The following CAMKK2 variants were observed in gnomAD, a reference collection of about 807,000 sequenced individuals.
The protein encoded by CAMKK2 is calcium/calmodulin-dependent protein kinase kinase 2.
CAMKK2 carries 30 observed loss-of-function variants against 67.2 expected under a neutral mutation model. That is an observed-to-expected ratio of 0.45 (90% CI 0.33 to 0.61). CAMKK2 has a LOEUF of 0.61. Ranked by LOEUF, CAMKK2 falls within the 20% of genes least tolerant of loss-of-function variation. The pLI, the probability that CAMKK2 is intolerant of heterozygous loss-of-function variation, is 0.02. For missense variants in CAMKK2, 643 were observed against 802.0 expected, an observed-to-expected ratio of 0.80 and a Z score of 2.39; for synonymous variants, 322 against 326.2, an observed-to-expected ratio of 0.99 and a Z score of 0.14.
Position 121,260,339 on chromosome 12 carries a change from T to G in CAMKK2, c.776A>C (p.Asn259Thr). 1 of 1,611,498 alleles carries G rather than the reference T, an allele frequency of 6.2e-7. No homozygotes were observed. Among genetic ancestry groups the G allele is most frequent in the South Asian group, 1.1e-5 (1 of 90,146 alleles). The stretch of plus-strand genomic sequence containing the variant: ...CTTACCCATGTACAGATGGTCCTCA[T>G]TGGGGTCATCCAGGACCTTGGCACA... The part of the protein sequence containing the change: ...VKLVEVLDDP[N>T]EDHLYMVFEL... Residue 259 changes from asparagine (N) to threonine (T), a missense_variant, in exon 7 of 17, where the codon AAT becomes ACT. Coordinates refer to ENST00000404169, the MANE Select transcript of CAMKK2 (RefSeq NM_001270485.2).
At chr12:121,288,115 G>A (rs934233846) in intron 1 of CAMKK2, among the ~76,000 whole-genome samples, 5 of 152,222 alleles carry the variant, frequency 3.3e-5, no homozygotes, top group African/African-American at 1.2e-4. Context: ...GAAATAAAGT[G>A]TAGAAACCAT....
chr12:121,241,911 A>G (rs1466103983), intron 16 of CAMKK2, among the ~76,000 whole-genome samples: 1 of 152,168 alleles, frequency 6.6e-6, no homozygotes, highest in East Asian at 1.9e-4. Context: ...CAGCTCTGTG[A>G]GCTCCCATGA....
In CAMKK2 at chr12:121,240,771, G is replaced by C. The variant is rs1484898087; in HGVS notation, c.1695C>G (p.Cys565Trp). The change falls in exon 17 of 17, where the codon TGC (cysteine) becomes TGG (tryptophan). Residue 565 changes from cysteine (C) to tryptophan (W), a missense_variant. Around this residue, in one of 3 missense-constraint regions of CAMKK2, gnomAD observed 140 missense variants for 124.2 expected, o/e 1.13. Transcript: ENST00000404169. This position sits in a 1 kb window ranked among gnomAD's most constrained non-coding sequence, Gnocchi z 4.4. ...CGGGGGAGCCGGGGGCGGGGGCCCA[G>C]CAACTTTCCACGCAGGGACTGCCTC... ...LVRGSPCVESCWAPAPGSPAR... is the reference protein window; with the variant it reads ...LVRGSPCVESWWAPAPGSPAR... 3.1e-6 allele frequency: 5 copies of C among 1,608,892 alleles called. No individual in the cohort carries two copies. The East Asian group carries it at 8.9e-5, about 29-fold the overall frequency.
chr12:121,291,829 G>A (rs534478097), intron 1 of CAMKK2, among the ~76,000 whole-genome samples: 3 of 152,046 alleles, frequency 2.0e-5, no homozygotes, highest in Admixed American at 6.6e-5. Flanking sequence ...AGGCCGAGGC[G>A]GGCAGATCAT....
At chr12:121,268,599 C>A in intron 5 of CAMKK2, 39 bp downstream of exon 5, 2 of 1,598,104 alleles carry the variant, frequency 1.3e-6, no homozygotes, top group Non-Finnish European at 1.7e-6. Flanking sequence ...TGTCTTGTCC[C>A]AGCCCCTGTA....
upstream of CAMKK2, chr12:121,297,475 G>T: frequency 2.5e-6 from 1 of 406,290 alleles, no homozygotes; most frequent in Non-Finnish European, 5.0e-6. Flanking sequence ...TTTCCAGATG[G>T]CTACTTAGAT....
At chr12:121,283,138 G>C (rs1183248629) in intron 1 of CAMKK2, among the ~76,000 whole-genome samples, 1 of 152,154 alleles carries the variant, frequency 6.6e-6, no homozygotes, top group Non-Finnish European at 1.5e-5. Flanking sequence ...CACCCAACCA[G>C]TGGGGTTCGG....
At chr12:121,266,993 C>T (rs1894684896) in intron 5 of CAMKK2, among the ~76,000 whole-genome samples, 1 of 120,374 alleles carries the variant, frequency 8.3e-6, no homozygotes, top group Non-Finnish European at 1.6e-5. Context: ...AGAAACTGGT[C>T]TCCATGATGA....
In CAMKK2 at chr12:121,264,035, A is replaced by AGGTGGG; in HGVS notation, c.626-97_626-96insCCCACC. ...GGATGCCAAAAGGTGGGATGCCAAA[A>AGGTGGG]AGCCACTCTGCAGGGCTGGAGTGGC... On this transcript the variant is annotated intron_variant, in intron 5 of 16. Coordinates refer to ENST00000404169, the MANE Select transcript of CAMKK2 (RefSeq NM_001270485.2). 2.0e-5 allele frequency: 25 copies of AGGTGGG among 1,266,168 alleles called. No individual in the cohort carries two copies. The African/African-American group carries it at 3.4e-4, about 17-fold the overall frequency. The allele number at this position is 1,266,168 out of a possible 1,614,324, so 78.4% of individuals were successfully genotyped here. A position where few individuals can be genotyped will look rare whatever the true frequency, so the allele number is the denominator to read the frequency against.
rs543018965 is a variant in CAMKK2, at chr12:121,243,954, G to T, written c.1596+619C>A. 5.5e-6 allele frequency: 8 copies of T among 1,455,622 alleles called. No homozygotes were observed. In the South Asian group the frequency reaches 8.6e-5, roughly 16 times the overall value. 90.2% of individuals were successfully genotyped at this position (1,455,622 alleles called of 1,614,324 possible). A position where few individuals can be genotyped will look rare whatever the true frequency, so the allele number is the denominator to read the frequency against. ...CACCTGCAGCAGGGGTGCCCAGCAG[G>T]TTCTCCCAGTCTCATAAGGACACAA... On this transcript the variant is annotated intron_variant, in intron 16 of 16. Transcript: ENST00000404169.
intron 1 of CAMKK2, among the ~76,000 whole-genome samples, chr12:121,277,187 G>A (rs766499968): frequency 1.1e-4 from 17 of 152,142 alleles, no homozygotes; most frequent in South Asian, 2.1e-4. Flanking sequence ...AAAACCCAAC[G>A]CCCCAGCCCT....
intron 2 of CAMKK2, among the ~76,000 whole-genome samples, chr12:121,272,035 C>T (rs1371988583): frequency 3.3e-5 from 5 of 151,232 alleles, no homozygotes; most frequent in Non-Finnish European, 7.4e-5. Context: ...AGAGATGGGT[C>T]TTCCTATGTT....
rs1889267312 is a variant in CAMKK2, at chr12:121,245,489, T to G, written c.1453-249A>C. Among the ~76,000 whole-genome samples, 1 of 152,188 alleles carries G rather than the reference T, an allele frequency of 6.6e-6. No homozygotes were observed. The highest frequency in any genetic ancestry group is 2.4e-5 in the African/African-American group (1 of 41,454). On this transcript the variant is annotated intron_variant, in intron 14 of 16. Transcript: ENST00000404169. This position sits in a 1 kb window ranked among gnomAD's most constrained non-coding sequence, Gnocchi z 5.8. The stretch of plus-strand genomic sequence containing the variant: ...GCTCAGCGTCTCTCCCAGGCCTCCC[T>G]GCTTTCCACCTCCCTCCCTCCCATC...
intron 11 of CAMKK2, among the ~76,000 whole-genome samples, chr12:121,252,157 G>A (rs1472651439): frequency 6.6e-6 from 1 of 152,178 alleles, no homozygotes; most frequent in Non-Finnish European, 1.5e-5. Flanking sequence ...CAATCCTTCT[G>A]TTTTAACAGA....
At chr12:121,268,791 GC>G (rs748403731) in intron 4 of CAMKK2, 102 bp from the exon 5 acceptor site, 3 of 1,098,344 alleles carry the variant, frequency 2.7e-6, no homozygotes, top group Non-Finnish European at 4.2e-6. Flanking sequence ...TCCAAAGCCG[GC>G]CCAAGCTCCT....
intron 5 of CAMKK2, among the ~76,000 whole-genome samples, chr12:121,268,058 T>C (rs1173316520): frequency 1.0e-5 from 1 of 96,672 alleles, no homozygotes; most frequent in African/African-American, 4.5e-5. Flanking sequence ...TTACTTTTCA[T>C]GGCTGAATAA....
intron 11 of CAMKK2, among the ~76,000 whole-genome samples, chr12:121,250,548 A>C (rs1890491901): frequency 6.6e-6 from 1 of 152,142 alleles, no homozygotes; most frequent in Non-Finnish European, 1.5e-5. Context: ...CAGGTGTCTG[A>C]CTAAAGCTCA....
Position 121,282,378 on chromosome 12 carries a change from A to C in CAMKK2, c.-59-7793T>G, listed in dbSNP as rs141373175. 4.0e-3 allele frequency among the ~76,000 whole-genome samples: 615 copies of C among 152,288 alleles called. 5 individuals are homozygous for C. The highest frequency in any genetic ancestry group is 0.021 in the East Asian group (109 of 5,180). ...TGCTGTGAGTTGAACTGTGTCCCCC[A>C]AAAATGTTATGTGGCAGTTCTAACC... On this transcript the variant is annotated intron_variant, in intron 1 of 16. Transcript: ENST00000404169.
intron 1 of CAMKK2, among the ~76,000 whole-genome samples, chr12:121,294,981 C>A (rs1465773082): frequency 6.6e-6 from 1 of 152,114 alleles, no homozygotes; most frequent in Admixed American, 6.6e-5. Flanking sequence ...ACCAGCCTGA[C>A]CAACATGGTG....
Sources: allele counts gnomAD v4.1 joint callset (sites outside exome capture counted in the v4.1 genomes callset), GRCh38; gene constraint gnomAD v4.1.1; regional missense constraint gnomAD v4.1.1; non-coding constraint Gnocchi (gnomAD v3.1); transcripts MANE v1.5; gene names NCBI Gene and HGNC (gene_info 2026-07-23, HGNC 2026-07-21).